Variants in PCDH15 observed in about 807,000 individuals in gnomAD.
PCDH15 encodes protocadherin-15.
A neutral mutation model predicts 178.5 loss-of-function variants in PCDH15; 129 were observed. The observed-to-expected ratio is 0.72, with a 90% CI of 0.63 to 0.84. PCDH15 has a LOEUF of 0.84. Among genes scored for constraint, PCDH15 ranks in the 40% least tolerant of loss-of-function variants. The pLI is 0.00. For synonymous variants in PCDH15, 800 were observed against 732.0 expected (o/e 1.09, Z -1.50); for missense variants, 2,230 against 2,099.9 (o/e 1.06, Z -1.21).
intron 18 of PCDH15, among the ~76,000 whole-genome samples, chr10:54,030,284 G>C (rs564777839): frequency 1.2e-4 from 18 of 151,780 alleles, no homozygotes; most frequent in Admixed American, 2.6e-4. Context: ...CAGGGAGGTT[G>C]GGCAGTGCAT....
At chr10:54,655,281 AG>A (rs1403218008) in intron 2 of PCDH15, among the ~76,000 whole-genome samples, 28 of 126,078 alleles carry the variant, frequency 2.2e-4, no homozygotes, top group African/African-American at 3.8e-4. Context: ...AGAGAGAGAG[AG>A]AGAGAGAGAG....
chr10:54,579,378 T>C (rs143537345), intron 2 of PCDH15, among the ~76,000 whole-genome samples: 1 of 151,954 alleles, frequency 6.6e-6, no homozygotes, highest in East Asian at 1.9e-4. Context: ...CCAATAATAA[T>C]AAAAAAGGAT....
intron 2 of PCDH15, among the ~76,000 whole-genome samples, chr10:55,068,769 T>TTGTG (rs71014445): frequency 0.078 from 11,726 of 150,782 alleles, 616 homozygotes; most frequent in African/African-American, 0.14. Flanking sequence ...TCTTTCATCA[T>TTGTG]TGTGTGTGTG....
intron 2 of PCDH15, among the ~76,000 whole-genome samples, chr10:54,933,608 A>G (rs1670815): frequency 0.13 from 20,493 of 152,154 alleles, 1,570 homozygotes; most frequent in East Asian, 0.23. Context: ...TGCCAGTTTG[A>G]GATTTAACAA....
intron 2 of PCDH15, among the ~76,000 whole-genome samples, chr10:55,145,776 C>A (rs745593593): frequency 6.0e-4 from 92 of 152,080 alleles, no homozygotes; most frequent in Non-Finnish European, 9.6e-4. Flanking sequence ...ATATTATTTT[C>A]CTACTGAATA....
intron 2 of PCDH15, among the ~76,000 whole-genome samples, chr10:54,935,983 T>A (rs1260474229): frequency 6.6e-6 from 1 of 152,052 alleles, no homozygotes; most frequent in Non-Finnish European, 1.5e-5. Flanking sequence ...TGCAATAAAT[T>A]CTCATAACAT....
intron 2 of PCDH15, among the ~76,000 whole-genome samples, chr10:55,505,316 T>C (rs990734236): frequency 2.0e-5 from 3 of 151,502 alleles, no homozygotes; most frequent in African/African-American, 2.4e-5. Flanking sequence ...TAGATATTTA[T>C]TATTGACATT....
intron 2 of PCDH15, among the ~76,000 whole-genome samples, chr10:54,662,560 G>A (rs111527135): frequency 1.6e-4 from 25 of 152,002 alleles, no homozygotes; most frequent in African/African-American, 5.8e-4. Context: ...CATATTAGAG[G>A]CAATGCAAAT....
chr10:54,818,271 G>C (rs910845232), intron 3 of PCDH15, among the ~76,000 whole-genome samples: 1 of 151,998 alleles, frequency 6.6e-6, no homozygotes, highest in Non-Finnish European at 1.5e-5. Flanking sequence ...TAAAATGATT[G>C]AGTAATTATT....
intron 10 of PCDH15, among the ~76,000 whole-genome samples, chr10:54,196,451 T>C (rs577694890): frequency 6.6e-6 from 1 of 152,322 alleles, no homozygotes; most frequent in African/African-American, 2.4e-5. Context: ...CAAATTATTG[T>C]AATTTTTATT....
intron 1 of PCDH15, among the ~76,000 whole-genome samples, chr10:55,197,631 T>A (rs16907104): frequency 0.14 from 21,955 of 152,040 alleles, 1,700 homozygotes; most frequent in East Asian, 0.26. Flanking sequence ...TGTTAGTGGC[T>A]ACATAATAGA....
chr10:55,322,806 G>GGC (rs1053929021), upstream of PCDH15, among the ~76,000 whole-genome samples: 7 of 150,916 alleles, frequency 4.6e-5, no homozygotes, highest in African/African-American at 1.5e-4. Context: ...AAAAAAAATG[G>GGC]GGGGGGAGAA....
At chr10:55,282,147 G>A (rs1842750661) in intron 1 of PCDH15, among the ~76,000 whole-genome samples, 1 of 152,158 alleles carries the variant, frequency 6.6e-6, no homozygotes, top group South Asian at 2.1e-4. Context: ...TCAAGACCAA[G>A]ATCCTTAATA....
intron 3 of PCDH15, among the ~76,000 whole-genome samples, chr10:54,861,877 T>G (rs1226443866): frequency 6.6e-6 from 1 of 152,196 alleles, no homozygotes; most frequent in Non-Finnish European, 1.5e-5. Flanking sequence ...GTTGCTTCTC[T>G]CAGGAAATGA....
At chr10:54,049,843 A>G (rs1220277958) in intron 18 of PCDH15, among the ~76,000 whole-genome samples, 1 of 151,596 alleles carries the variant, frequency 6.6e-6, no homozygotes, top group East Asian at 1.9e-4. Flanking sequence ...CTGGTCTCAA[A>G]CTCCTGACCT....
intron 8 of PCDH15, among the ~76,000 whole-genome samples, chr10:54,258,334 A>T (rs1345165792): frequency 6.6e-6 from 1 of 152,240 alleles, no homozygotes; most frequent in East Asian, 1.9e-4. Flanking sequence ...AATGAATTCA[A>T]GAGGAAATAA....
chr10:54,442,378 CTCCTT>C (rs755136503), intron 3 of PCDH15, among the ~76,000 whole-genome samples: 4 of 33,034 alleles, frequency 1.2e-4, no homozygotes, highest in African/African-American at 2.9e-4. Flanking sequence ...GAGGGACAGT[CTCCTT>C]TTTTTTTAAA....
rs573293812 is a variant in PCDH15, at chr10:54,513,718, C to T, written c.157+14094G>A. ...AACTATCCTAAATAGGCAGGTAAGTCTCATTTAAGTCTGATGCAGCTGTTA... is the reference window on the plus strand; with the variant it reads ...AACTATCCTAAATAGGCAGGTAAGTTTCATTTAAGTCTGATGCAGCTGTTA... On this transcript the variant is annotated intron_variant, in intron 3 of 37. Coordinates refer to ENST00000644397, the MANE Select transcript of PCDH15 (RefSeq NM_001384140.1). Among the ~76,000 whole-genome samples the T allele has an allele frequency of 5.9e-5, 9 of 152,166 alleles. No individual in the cohort carries two copies. In the South Asian group the frequency reaches 1.9e-3, roughly 32 times the overall value.
intron 3 of PCDH15, among the ~76,000 whole-genome samples, chr10:54,522,679 A>G (rs918759986): frequency 6.6e-6 from 1 of 152,198 alleles, no homozygotes; most frequent in African/African-American, 2.4e-5. Flanking sequence ...CGCCAGTACC[A>G]GAACAGATTC....
Sources: allele counts gnomAD v4.1 joint callset (sites outside exome capture counted in the v4.1 genomes callset), GRCh38; gene constraint gnomAD v4.1.1; transcripts MANE v1.5; gene names NCBI Gene and HGNC (gene_info 2026-07-23, HGNC 2026-07-21).